Variants in GRIK2 observed in about 807,000 individuals in gnomAD.
GRIK2 encodes glutamate receptor ionotropic, kainate 2.
A neutral mutation model predicts 100.3 loss-of-function variants in GRIK2; 32 were observed. The observed-to-expected ratio is 0.32, with a 90% confidence interval of 0.24 to 0.43. GRIK2 has a LOEUF of 0.43. GRIK2 is among the 20% of genes least tolerant of loss of function. The pLI, the probability that GRIK2 is intolerant of heterozygous loss-of-function variation, is 1.00. For synonymous variants in GRIK2, 417 were observed against 389.4 expected (o/e 1.07, Z -0.83); for missense variants, 843 against 1,114.9 (o/e 0.76, Z 3.47).
chr6:101,569,773 T>G (rs1777446100), intron 2 of GRIK2, among the ~76,000 whole-genome samples: 2 of 152,216 alleles, frequency 1.3e-5, no homozygotes, highest in East Asian at 1.9e-4. Context: ...TCCTAAATCC[T>G]TTCGGAAGGA....
intron 7 of GRIK2, among the ~76,000 whole-genome samples, chr6:101,793,870 A>G (rs147396630): frequency 0.026 from 3,894 of 152,192 alleles, 176 homozygotes; most frequent in African/African-American, 0.088. Flanking sequence ...CACCCAGTTC[A>G]AGCTTCCTGG....
intron 2 of GRIK2, among the ~76,000 whole-genome samples, chr6:101,519,696 TAGG>T (rs1400680119): frequency 1.3e-5 from 2 of 152,086 alleles, no homozygotes; most frequent in Non-Finnish European, 2.9e-5. Flanking sequence ...GATATAAAAA[TAGG>T]AGAAATTATG....
chr6:101,595,697 T>TATAC (rs1427151458), intron 2 of GRIK2, among the ~76,000 whole-genome samples: 2 of 90,546 alleles, frequency 2.2e-5, no homozygotes, highest in Admixed American at 2.3e-4. Flanking sequence ...TGTATATATA[T>TATAC]ATGTGTGTGT....
At chr6:101,724,248 T>A (rs931077685) in intron 7 of GRIK2, among the ~76,000 whole-genome samples, 1 of 151,906 alleles carries the variant, frequency 6.6e-6, no homozygotes, top group Admixed American at 6.6e-5. Context: ...TATATGGGAA[T>A]ATTGTGTGAT....
At chr6:101,848,644 T>G (rs1338965414) in intron 10 of GRIK2, among the ~76,000 whole-genome samples, 1 of 152,106 alleles carries the variant, frequency 6.6e-6, no homozygotes, top group East Asian at 1.9e-4. Context: ...ATTGATCATC[T>G]TTGGAGTTGC....
chr6:101,793,967 C>T (rs1022892641), intron 7 of GRIK2, among the ~76,000 whole-genome samples: 2 of 152,186 alleles, frequency 1.3e-5, no homozygotes, highest in African/African-American at 4.8e-5. Flanking sequence ...TCTCAGACTT[C>T]TGTGCTAGCA....
chr6:101,758,216 C>A (rs1383182389), intron 7 of GRIK2, among the ~76,000 whole-genome samples: 2 of 151,992 alleles, frequency 1.3e-5, no homozygotes, highest in African/African-American at 4.8e-5. Flanking sequence ...GAATGAGGCC[C>A]TGCCTTAAAA....
intron 15 of GRIK2, among the ~76,000 whole-genome samples, chr6:102,053,722 AATGG>A (rs1486097885): frequency 1.4e-4 from 21 of 152,234 alleles, no homozygotes; most frequent in Admixed American, 3.9e-4. Context: ...TGGATGGATA[AATGG>A]ATGGATGGAC....
At chr6:101,666,718 A>T (rs1562296269) in intron 4 of GRIK2, among the ~76,000 whole-genome samples, 1 of 152,244 alleles carries the variant, frequency 6.6e-6, no homozygotes, top group Non-Finnish European at 1.5e-5. Flanking sequence ...GGTAAGAGAT[A>T]TGCCAGCGTA....
At chr6:101,627,117 CTGTGTGTGTGTGTG>C (rs111285339) in intron 4 of GRIK2, among the ~76,000 whole-genome samples, 3 of 144,960 alleles carry the variant, frequency 2.1e-5, no homozygotes, top group Non-Finnish European at 3.0e-5. Flanking sequence ...GTGTGTGTCT[CTGTGTGTGTGTGTG>C]TGTGTGTGTG....
chr6:101,649,045 C>T (rs1435169354), intron 4 of GRIK2, among the ~76,000 whole-genome samples: 2 of 152,046 alleles, frequency 1.3e-5, no homozygotes, highest in African/African-American at 2.4e-5. Flanking sequence ...TGGCCACACC[C>T]TTGACACGTG....
At chr6:101,930,357 AAAT>A (rs1790189149) in intron 14 of GRIK2, among the ~76,000 whole-genome samples, 3 of 3,922 alleles carry the variant, frequency 7.6e-4, no homozygotes, top group Admixed American at 2.6e-3. Context: ...AAAAAAAATA[AAAT>A]AAAATAAAAT....
chr6:101,858,074 C>T (rs1227758827), intron 10 of GRIK2, among the ~76,000 whole-genome samples: 1 of 152,210 alleles, frequency 6.6e-6, no homozygotes, highest in South Asian at 2.1e-4. Context: ...CTTACCTTCT[C>T]TGAAAAGACT....
At chr6:101,652,199 A>G (rs990449695) in intron 4 of GRIK2, among the ~76,000 whole-genome samples, 2 of 152,078 alleles carry the variant, frequency 1.3e-5, no homozygotes, top group African/African-American at 4.8e-5. Context: ...TTCATATTGA[A>G]ACTCTCATCC....
intron 4 of GRIK2, among the ~76,000 whole-genome samples, chr6:101,674,594 C>G (rs756160893): frequency 4.6e-5 from 7 of 152,132 alleles, no homozygotes; most frequent in Non-Finnish European, 1.0e-4. Context: ...CTTTACAGCT[C>G]AATGTTAACA....
chr6:101,587,636 G>C (rs796581977), intron 2 of GRIK2, among the ~76,000 whole-genome samples: 2 of 152,218 alleles, frequency 1.3e-5, no homozygotes, highest in African/African-American at 4.8e-5. Flanking sequence ...AAGTATTGAT[G>C]TTATGAACAA....
At chr6:101,723,498 T>A (rs1774637077) in intron 7 of GRIK2, among the ~76,000 whole-genome samples, 1 of 152,048 alleles carries the variant, frequency 6.6e-6, no homozygotes, top group African/African-American at 2.4e-5. Flanking sequence ...CTGGAACATA[T>A]GTTTATCTGA....
chr6:101,666,758 G>A (rs1770062902), intron 4 of GRIK2, among the ~76,000 whole-genome samples: 1 of 152,212 alleles, frequency 6.6e-6, no homozygotes, highest in African/African-American at 2.4e-5. Context: ...CTAGCAGAAA[G>A]TAAAATTCAC....
chr6:101,407,238 T>A (rs76279272), intron 2 of GRIK2, among the ~76,000 whole-genome samples: 2,159 of 152,098 alleles, frequency 0.014, 52 homozygotes, highest in African/African-American at 0.05. Flanking sequence ...CCAGAAGAAA[T>A]GAAATGGGAA....
Sources: gnomAD v4.1 joint callset for allele counts (sites outside exome capture counted in the v4.1 genomes callset) on GRCh38, gnomAD v4.1.1 for gene constraint, MANE v1.5 for transcripts, NCBI Gene and HGNC (gene_info 2026-07-23, HGNC 2026-07-21) for gene names.